The following TANK variants were observed in gnomAD, a reference collection of about 807,000 sequenced individuals.
The protein encoded by TANK is TRAF family member-associated NF-kappa-B activator.
TANK carries 15 observed loss-of-function variants against 43.6 expected under a neutral mutation model. That is an observed-to-expected ratio of 0.34 (90% confidence interval 0.23 to 0.53). The LOEUF is 0.53. Among genes scored for constraint, TANK ranks in the 20% least tolerant of loss-of-function variants. The pLI is 0.94. For synonymous variants in TANK, 162 were observed against 178.2 expected (o/e 0.91, Z 0.73); for missense variants, 417 against 498.6 (o/e 0.84, Z 1.56).
upstream of TANK, chr2:161,160,229 C>G: frequency 2.7e-5 from 9 of 331,390 alleles, no homozygotes. Context: ...CTTTTTTTTT[C>G]TAAGAGGCGG....
intron 1 of TANK, among the ~76,000 whole-genome samples, chr2:161,168,097 CATA>C (rs1464944182): frequency 2.0e-5 from 3 of 152,112 alleles, no homozygotes; most frequent in African/African-American, 7.2e-5. Context: ...CTTGGCATCA[CATA>C]GTAGGTAGCT....
At chr2:161,153,140 T>C (rs1684124461) in intron 1 of TANK, among the ~76,000 whole-genome samples, 1 of 152,042 alleles carries the variant, frequency 6.6e-6, no homozygotes, top group Non-Finnish European at 1.5e-5. Flanking sequence ...TTTCCATTTG[T>C]TATTGTGCCA....
intron 4 of TANK, among the ~76,000 whole-genome samples, chr2:161,214,900 T>C (rs1337219212): frequency 6.6e-6 from 1 of 152,208 alleles, no homozygotes; most frequent in East Asian, 1.9e-4. Flanking sequence ...TGCTTATACA[T>C]GCAATGGTTA....
intron 1 of TANK, among the ~76,000 whole-genome samples, chr2:161,150,950 T>C (rs1351251348): frequency 1.4e-4 from 22 of 152,226 alleles, no homozygotes; most frequent in Non-Finnish European, 3.1e-4. Flanking sequence ...GCACTGTTTT[T>C]ACTGCATCCC....
chr2:161,216,683 C>T (rs989645031), intron 4 of TANK, among the ~76,000 whole-genome samples: 6 of 151,486 alleles, frequency 4.0e-5, no homozygotes, highest in African/African-American at 1.5e-4. Context: ...TTTCTCCTGC[C>T]CTAAGATTTT....
At chr2:161,204,832 G>C (rs1473919397) in intron 4 of TANK, 39 bp downstream of exon 4, 8 of 1,593,110 alleles carry the variant, frequency 5.0e-6, no homozygotes, top group Non-Finnish European at 6.0e-6. Context: ...TTTAAATGCT[G>C]ATGCGTGACA....
intron 1 of TANK, among the ~76,000 whole-genome samples, chr2:161,150,055 T>G (rs561075802): frequency 2.6e-5 from 4 of 152,246 alleles, no homozygotes; most frequent in Admixed American, 2.6e-4. Flanking sequence ...TTTGAAAATT[T>G]GGTGTTATTT....
chr2:161,180,713 T>TAC (rs1283827941), intron 2 of TANK, among the ~76,000 whole-genome samples: 1 of 152,176 alleles, frequency 6.6e-6, no homozygotes, highest in African/African-American at 2.4e-5. Flanking sequence ...CATTGGATCA[T>TAC]ACTCATAGTT....
At chr2:161,167,893 G>T (rs948705488) in intron 1 of TANK, among the ~76,000 whole-genome samples, 5 of 152,172 alleles carry the variant, frequency 3.3e-5, no homozygotes, top group African/African-American at 7.2e-5. Flanking sequence ...CAGAGTGCTG[G>T]GATTACAAGT....
intron 2 of TANK, among the ~76,000 whole-genome samples, chr2:161,188,255 T>C (rs543261387): frequency 1.7e-4 from 26 of 152,168 alleles, no homozygotes; most frequent in Admixed American, 1.6e-3. Flanking sequence ...AAAACAAGTG[T>C]TGACTATTTG....
At chr2:161,222,481 G>A (rs145532580) in intron 4 of TANK, among the ~76,000 whole-genome samples, 5 of 151,790 alleles carry the variant, frequency 3.3e-5, no homozygotes, top group South Asian at 4.1e-4. Flanking sequence ...GTTTGTTTTC[G>A]TATTTGTAGT....
intron 1 of TANK, among the ~76,000 whole-genome samples, chr2:161,172,111 A>G (rs1684965877): frequency 6.6e-6 from 1 of 152,188 alleles, no homozygotes; most frequent in South Asian, 2.1e-4. Flanking sequence ...GCATTAGATA[A>G]CATTTCTACA....
chr2:161,230,908 T>C, intron 6 of TANK, 63 bp from the exon 7 acceptor site: 3 of 1,274,492 alleles, frequency 2.4e-6, no homozygotes, highest in Non-Finnish European at 3.4e-6. Context: ...CCAAAGCTGA[T>C]TGAACAGATT....
chr2:161,178,743 C>T (rs1685286011), intron 1 of TANK, among the ~76,000 whole-genome samples: 1 of 152,068 alleles, frequency 6.6e-6, no homozygotes, highest in South Asian at 2.1e-4. Flanking sequence ...AGATTAGAGA[C>T]TGAAATTTTA....
intron 2 of TANK, among the ~76,000 whole-genome samples, chr2:161,197,935 A>G (rs1221526057): frequency 6.6e-6 from 1 of 152,182 alleles, no homozygotes; most frequent in Admixed American, 6.5e-5. Flanking sequence ...TACAAAATAT[A>G]TGAGATAAAT....
intron 6 of TANK, among the ~76,000 whole-genome samples, chr2:161,225,385 T>G (rs1302444001): frequency 6.6e-6 from 1 of 152,288 alleles, no homozygotes; most frequent in Non-Finnish European, 1.5e-5. Context: ...GGCACTCAAA[T>G]TTCCTGAGTG....
At position 161,165,026 on chromosome 2, in the gene TANK, C is replaced by G. The variant is rs565718483; in HGVS notation, c.-50+4540C>G. ...TACTAGTGATCTATAATAGCTTTTACTTAACACCAATACTTTTTTTTTTTT... is the reference window on the plus strand; with the variant it reads ...TACTAGTGATCTATAATAGCTTTTAGTTAACACCAATACTTTTTTTTTTTT... On this transcript the variant is annotated intron_variant, in intron 1 of 7. Coordinates refer to ENST00000392749, the MANE Select transcript of TANK (RefSeq NM_001199135.3). Among the ~76,000 whole-genome samples, 175 of 139,818 alleles carry G rather than the reference C, an allele frequency of 1.3e-3. 1 individual carries two copies. The highest frequency in any genetic ancestry group is 4.4e-3 in the African/African-American group (165 of 37,876). The allele number at this position is 139,818 out of a possible 152,430, so 91.7% of individuals were successfully genotyped here.
At chr2:161,145,133 CTTTTTTTTTTTTTT>C (rs144526006) in intron 1 of TANK, among the ~76,000 whole-genome samples, 2 of 32,830 alleles carry the variant, frequency 6.1e-5, no homozygotes, top group African/African-American at 1.3e-4. Context: ...GCAACCCCTG[CTTTTTTTTTTTTTT>C]TTTTTTTTTT....
At chr2:161,196,261 G>A (rs1322743688) in intron 2 of TANK, among the ~76,000 whole-genome samples, 1 of 152,128 alleles carries the variant, frequency 6.6e-6, no homozygotes, top group Non-Finnish European at 1.5e-5. Context: ...ATGAGAGGGA[G>A]TGGTAATTGG....
Sources: allele counts gnomAD v4.1 joint callset (sites outside exome capture counted in the v4.1 genomes callset), GRCh38; gene constraint gnomAD v4.1.1; transcripts MANE v1.5; gene names NCBI Gene and HGNC (gene_info 2026-07-23, HGNC 2026-07-21).